Variants in ROBO1 observed in about 807,000 individuals in gnomAD.
ROBO1 encodes roundabout homolog 1.
ROBO1 carries 149 observed loss-of-function variants against 195.9 expected under a neutral mutation model. That is an observed-to-expected ratio of 0.76 (90% CI 0.67 to 0.87). ROBO1 has a LOEUF of 0.87. ROBO1 is among the 40% of genes least tolerant of loss of function. The pLI, the probability that ROBO1 is intolerant of heterozygous loss-of-function variation, is 0.00. For missense variants in ROBO1, 1,933 were observed against 2,068.3 expected, an observed-to-expected ratio of 0.93 and a Z score of 1.27; for synonymous variants, 816 against 733.2, an observed-to-expected ratio of 1.11 and a Z score of -1.82.
chr3:79,233,255 C>T (rs1348734571), intron 2 of ROBO1, among the ~76,000 whole-genome samples: 1 of 151,746 alleles, frequency 6.6e-6, no homozygotes, highest in African/African-American at 2.4e-5. Context: ...TTATAAAGCC[C>T]CCAAATGGGA....
chr3:79,688,136 G>A (rs909478811), intron 1 of ROBO1, among the ~76,000 whole-genome samples: 16 of 147,054 alleles, frequency 1.1e-4, no homozygotes, highest in East Asian at 4.2e-4. Context: ...ACCAAACACC[G>A]CATGTTCTCA....
Position 78,954,530 on chromosome 3 carries a change from A to G in ROBO1, c.173-15603T>C, listed in dbSNP as rs2040944525. 2.6e-5 allele frequency among the ~76,000 whole-genome samples: 4 copies of G among 152,088 alleles called. No homozygotes were observed. The South Asian group carries it at 8.3e-4, about 31-fold the overall frequency. The stretch of plus-strand genomic sequence containing the variant: ...ATAATATAATATAGTAGCTTATTTC[A>G]GCTGTTAGAACCAATCAGACGTTTG... On this transcript the variant is annotated intron_variant, in intron 3 of 30. Coordinates refer to ENST00000464233, the MANE Select transcript of ROBO1 (RefSeq NM_002941.4).
At chr3:79,710,241 A>G (rs1046259645) in intron 1 of ROBO1, among the ~76,000 whole-genome samples, 4 of 152,154 alleles carry the variant, frequency 2.6e-5, no homozygotes, top group Non-Finnish European at 4.4e-5. Flanking sequence ...AACTGGTAAA[A>G]CACATGAAGC....
intron 15 of ROBO1, 34 bp from the exon 16 acceptor site, chr3:78,661,295 T>C (rs770031778): frequency 1.6e-6 from 2 of 1,242,466 alleles, no homozygotes; most frequent in Middle Eastern, 2.0e-4. Context: ...TAATTATTCA[T>C]ATTATTGTAT....
intron 2 of ROBO1, among the ~76,000 whole-genome samples, chr3:79,423,482 C>T (rs909700161): frequency 1.3e-5 from 2 of 152,096 alleles, no homozygotes; most frequent in Non-Finnish European, 2.9e-5. Context: ...TATAGGCCTG[C>T]ATTCCGATCC....
At chr3:78,674,528 A>G (rs944158836) in intron 10 of ROBO1, among the ~76,000 whole-genome samples, 3 of 152,228 alleles carry the variant, frequency 2.0e-5, no homozygotes, top group African/African-American at 7.2e-5. Context: ...ACAAAACTTA[A>G]AAAACAGTGC....
intron 4 of ROBO1, among the ~76,000 whole-genome samples, chr3:78,864,620 T>TA (rs1027395686): frequency 6.6e-6 from 1 of 152,094 alleles, no homozygotes; most frequent in Non-Finnish European, 1.5e-5. Context: ...TATTTTGAAT[T>TA]AAATGTAACC....
chr3:79,352,201 AT>A (rs1480770188), intron 2 of ROBO1, among the ~76,000 whole-genome samples: 1 of 152,222 alleles, frequency 6.6e-6, no homozygotes, highest in Non-Finnish European at 1.5e-5. Context: ...CTGGAAAGTC[AT>A]GGAGGAAGGA....
chr3:78,778,822 G>A (rs1295679879), intron 4 of ROBO1, among the ~76,000 whole-genome samples: 3 of 152,102 alleles, frequency 2.0e-5, no homozygotes, highest in Non-Finnish European at 4.4e-5. Context: ...TAAGCAAAAA[G>A]AACAAAGCTG....
chr3:78,807,891 T>C (rs892289010), intron 4 of ROBO1, among the ~76,000 whole-genome samples: 1 of 133,180 alleles, frequency 7.5e-6, no homozygotes, highest in African/African-American at 2.9e-5. Flanking sequence ...AGTAGCATTC[T>C]TATTAGCATT....
chr3:78,946,233 A>G (rs1241565564), intron 3 of ROBO1, among the ~76,000 whole-genome samples: 1 of 152,178 alleles, frequency 6.6e-6, no homozygotes, highest in African/African-American at 2.4e-5. Context: ...GATTCACCAA[A>G]GTTGAAATGA....
intron 2 of ROBO1, among the ~76,000 whole-genome samples, chr3:79,277,002 C>T (rs954364429): frequency 6.6e-6 from 1 of 151,926 alleles, no homozygotes; most frequent in African/African-American, 2.4e-5. Flanking sequence ...AAAGGGAATC[C>T]TTGTACACCA....
In ROBO1 at chr3:79,658,341, A is replaced by G. The variant is rs1576189129; in HGVS notation, c.-50-68380T>C. ...ATTTCTTATTAGTAATAGTGGGAAT[A>G]TTTCAAATAATTAGGTTGTTATAAA... On this transcript the variant is annotated intron_variant, in intron 1 of 30. Coordinates refer to ENST00000464233, the MANE Select transcript of ROBO1 (RefSeq NM_002941.4). Among the ~76,000 whole-genome samples the G allele has an allele frequency of 3.9e-5, 6 of 152,186 alleles. No individual in the cohort carries two copies. The South Asian group carries it at 1.2e-3, about 32-fold the overall frequency.
intron 2 of ROBO1, among the ~76,000 whole-genome samples, chr3:79,176,037 G>A (rs2081256942): frequency 1.3e-5 from 2 of 152,142 alleles, no homozygotes; most frequent in Non-Finnish European, 2.9e-5. Context: ...TACCCTGGGG[G>A]TGGGGCCAAT....
At chr3:78,992,100 G>C (rs1329197571) in intron 3 of ROBO1, among the ~76,000 whole-genome samples, 1 of 152,142 alleles carries the variant, frequency 6.6e-6, no homozygotes, top group Non-Finnish European at 1.5e-5. Context: ...ATGATAGAAT[G>C]CTCCAGGATA....
chr3:79,089,826 A>G (rs2079441928), intron 3 of ROBO1, among the ~76,000 whole-genome samples: 1 of 152,138 alleles, frequency 6.6e-6, no homozygotes, highest in Non-Finnish European at 1.5e-5. Context: ...TTTCTGTTCC[A>G]ATCATCTGCC....
chr3:78,635,268 C>T (rs1159521267), intron 23 of ROBO1, among the ~76,000 whole-genome samples: 1 of 152,192 alleles, frequency 6.6e-6, no homozygotes, highest in Non-Finnish European at 1.5e-5. Context: ...AAATTATACA[C>T]TGTAGCAGTC....
chr3:78,912,443 T>C (rs772965950), intron 4 of ROBO1, among the ~76,000 whole-genome samples: 7 of 152,108 alleles, frequency 4.6e-5, no homozygotes, highest in African/African-American at 9.7e-5. Context: ...ACAAGGCACG[T>C]TGGCCATTTT....
chr3:79,080,717 T>G (rs978914815), intron 3 of ROBO1, among the ~76,000 whole-genome samples: 1 of 152,126 alleles, frequency 6.6e-6, no homozygotes, highest in Non-Finnish European at 1.5e-5. Context: ...CTCTAATTCA[T>G]GCAGCCTTCA....
Sources: allele counts gnomAD v4.1 joint callset (sites outside exome capture counted in the v4.1 genomes callset), GRCh38; gene constraint gnomAD v4.1.1; transcripts MANE v1.5; gene names NCBI Gene and HGNC (gene_info 2026-07-23, HGNC 2026-07-21).